Variants in FREM1 observed in about 807,000 individuals in gnomAD.
FREM1 encodes the protein FRAS1 related extracellular matrix 1.
In FREM1, 220 loss-of-function variants were observed where a neutral mutation model predicts 210.1. The ratio of observed to expected loss-of-function variants is 1.05; its 90% CI spans 0.94 to 1.17. The LOEUF (loss-of-function observed/expected upper bound fraction) is 1.17. FREM1 is among the 50% of genes most tolerant of loss of function. The pLI is 0.00. For missense variants in FREM1, 3,454 were observed against 2,675.5 expected, an observed-to-expected ratio of 1.29 and a Z score of -6.42; for synonymous variants, 1,189 against 980.2, an observed-to-expected ratio of 1.21 and a Z score of -3.98.
At chr9:14,816,660 C>T in intron 15 of FREM1, 118 bp downstream of exon 15, 1 of 477,572 alleles carries the variant, frequency 2.1e-6, no homozygotes, top group Non-Finnish European at 3.4e-6. Flanking sequence ...TTCCCAGCCT[C>T]CAGAGTCATG....
At chr9:14,841,907 T>A (rs955832503) in intron 9 of FREM1, among the ~76,000 whole-genome samples, 1 of 152,190 alleles carries the variant, frequency 6.6e-6, no homozygotes, top group African/African-American at 2.4e-5. Context: ...TTTGTCAAAC[T>A]CCGGATCTAC....
At position 14,807,939 on chromosome 9, in the gene FREM1, C is replaced by T; in HGVS notation, c.3088+1G>A. On this transcript the variant is annotated splice_donor_variant, in intron 17 of 36. Coordinates refer to ENST00000380880, the MANE Select transcript of FREM1 (RefSeq NM_001379081.2). LOFTEE classifies it high-confidence loss of function. Reference sequence around the variant, plus strand: ...ACTGGAACAAAAAAACACATTGTCACCTATTGCAATGGAAGGTGGCTGGTT... The same window carrying T: ...ACTGGAACAAAAAAACACATTGTCATCTATTGCAATGGAAGGTGGCTGGTT... 3.7e-6 allele frequency: 6 copies of T among 1,607,534 alleles called. No homozygotes were observed. The highest frequency in any genetic ancestry group is 5.1e-6 in the Non-Finnish European group (6 of 1,174,806).
chr9:14,850,325 G>A (rs1036710552), intron 6 of FREM1: 6 of 152,058 alleles, frequency 3.9e-5, no homozygotes, highest in South Asian at 2.1e-4. Flanking sequence ...ATAAGACTAC[G>A]GAATGTCCTA....
chr9:14,746,497 A>G (rs570189197), intron 34 of FREM1, 29 bp from the exon 35 acceptor site: 7 of 1,548,568 alleles, frequency 4.5e-6, no homozygotes, highest in East Asian at 2.2e-5. Context: ...TGTTCATATC[A>G]TAATGGTCTT....
At chr9:14,849,366 T>A (rs1279250250) in intron 6 of FREM1, among the ~76,000 whole-genome samples, 1 of 152,228 alleles carries the variant, frequency 6.6e-6, no homozygotes, top group Non-Finnish European at 1.5e-5. Flanking sequence ...GACATATTTT[T>A]AAATATCTCA....
At chr9:14,805,624 T>C (rs1183172514) in intron 18 of FREM1, among the ~76,000 whole-genome samples, 1 of 152,252 alleles carries the variant, frequency 6.6e-6, no homozygotes, top group Non-Finnish European at 1.5e-5. Flanking sequence ...GCTAACCTGC[T>C]GTTTTAGTAT....
intron 1 of FREM1, among the ~76,000 whole-genome samples, chr9:14,890,395 T>C (rs947614409): frequency 1.5e-4 from 23 of 152,242 alleles, no homozygotes; most frequent in African/African-American, 5.3e-4. Context: ...AAGTTCACCA[T>C]ACCCAAATAC....
At chr9:14,908,166 G>A (rs752916063) in intron 1 of FREM1, among the ~76,000 whole-genome samples, 1 of 152,210 alleles carries the variant, frequency 6.6e-6, no homozygotes, top group African/African-American at 2.4e-5. Context: ...GATGGAAGCT[G>A]AGCTCTGACT....
intron 24 of FREM1, 99 bp downstream of exon 24, chr9:14,784,271 T>A: frequency 9.3e-7 from 1 of 1,073,086 alleles, no homozygotes; most frequent in Non-Finnish European, 1.3e-6. Context: ...GATACATGTA[T>A]TTTGTGAAAT....
At chr9:14,866,755 C>G (rs780708604) in intron 2 of FREM1, among the ~76,000 whole-genome samples, 2 of 152,082 alleles carry the variant, frequency 1.3e-5, no homozygotes, top group Non-Finnish European at 2.9e-5. Context: ...TATAAGACAC[C>G]CATATGTGCC....
At chr9:14,831,770 C>G (rs2130981093) in intron 10 of FREM1, among the ~76,000 whole-genome samples, 1 of 152,276 alleles carries the variant, frequency 6.6e-6, no homozygotes, top group Middle Eastern at 3.4e-3. Context: ...TCTAGGAGGT[C>G]AAAGGGAAAT....
intron 10 of FREM1, among the ~76,000 whole-genome samples, chr9:14,831,865 G>A (rs1823616900): frequency 1.3e-5 from 2 of 152,200 alleles, no homozygotes; most frequent in African/African-American, 4.8e-5. Context: ...GGAGGGTCAC[G>A]CCTGCAAGTC....
intron 1 of FREM1, among the ~76,000 whole-genome samples, chr9:14,898,557 C>G (rs1456053593): frequency 2.0e-5 from 3 of 152,142 alleles, no homozygotes; most frequent in Admixed American, 2.0e-4. Context: ...GCCTGGCCAA[C>G]ATGGCGAAAC....
chr9:14,786,747 T>A (rs1285884372), intron 23 of FREM1, among the ~76,000 whole-genome samples: 1 of 152,240 alleles, frequency 6.6e-6, no homozygotes, highest in Non-Finnish European at 1.5e-5. Context: ...TATGCTTTTA[T>A]CTCAAAATGC....
At chr9:14,747,091 T>TTAAGGAA in intron 33 of FREM1, 40 bp from the exon 34 acceptor site, 1 of 1,612,226 alleles carries the variant, frequency 6.2e-7, no homozygotes, top group Non-Finnish European at 8.5e-7. Context: ...TAGAATTGAC[T>TTAAGGAA]TAAGGAAAGT....
intron 13 of FREM1, among the ~76,000 whole-genome samples, chr9:14,822,820 C>G (rs757588788): frequency 6.6e-6 from 1 of 152,182 alleles, no homozygotes; most frequent in Admixed American, 6.5e-5. Flanking sequence ...GTAAATAAGC[C>G]CTTCCAGTGG....
intron 8 of FREM1, 60 bp from the exon 9 acceptor site, chr9:14,842,720 G>C (rs1825903982): frequency 2.4e-6 from 3 of 1,254,062 alleles, no homozygotes; most frequent in South Asian, 2.6e-5. Context: ...CAGCAGCTGT[G>C]GGGAAAGCAT....
At chr9:14,798,708 C>T (rs1852914705) in intron 20 of FREM1, among the ~76,000 whole-genome samples, 1 of 152,126 alleles carries the variant, frequency 6.6e-6, no homozygotes, top group South Asian at 2.1e-4. Context: ...GAGTCTCACT[C>T]TGTCACCCAG....
At chr9:14,804,151 A>G (rs1414820128) in intron 19 of FREM1, among the ~76,000 whole-genome samples, 1 of 152,238 alleles carries the variant, frequency 6.6e-6, no homozygotes, top group Non-Finnish European at 1.5e-5. Flanking sequence ...TATCTACAAA[A>G]TAAATGCATT....
Sources: allele counts gnomAD v4.1 joint callset (sites outside exome capture counted in the v4.1 genomes callset), GRCh38; gene constraint gnomAD v4.1.1; transcripts MANE v1.5; gene names NCBI Gene and HGNC (gene_info 2026-07-23, HGNC 2026-07-21).